The following ANK1 variants were observed in gnomAD, a reference collection of about 807,000 sequenced individuals.
ANK1 encodes ankyrin-1.
ANK1 carries 51 observed loss-of-function variants against 210.4 expected under a neutral mutation model. That is an observed-to-expected ratio of 0.24 (90% confidence interval 0.19 to 0.31). ANK1 has a LOEUF of 0.31. Among genes scored for constraint, ANK1 ranks in the 10% least tolerant of loss-of-function variants. ANK1 has a pLI of 1.00. For synonymous variants in ANK1, 967 were observed against 1,025.9 expected, an observed-to-expected ratio of 0.94 and a Z score of 1.10; for missense variants, 2,051 against 2,504.4, an observed-to-expected ratio of 0.82 and a Z score of 3.86.
At chr8:41,792,583 G>C (rs563766683) in intron 1 of ANK1, among the ~76,000 whole-genome samples, 1 of 152,316 alleles carries the variant, frequency 6.6e-6, no homozygotes, top group South Asian at 2.1e-4. Context: ...ACTCAAAGAT[G>C]AGTCAGATGG....
chr8:41,781,140 G>A (rs190661711), intron 1 of ANK1, among the ~76,000 whole-genome samples: 2 of 152,256 alleles, frequency 1.3e-5, no homozygotes, highest in African/African-American at 4.8e-5. Flanking sequence ...GCTTTCACTG[G>A]GGACTACATT....
rs2002526 is a variant in ANK1, at chr8:41,794,931, C to G, written c.27+2581G>C. ...ATATTGGCCAGGCTGGCCTCGAACT[C>G]CTGACCTCATGATCCACCTGCCTTG... On this transcript the variant is annotated intron_variant, in intron 1 of 42. Transcript: ENST00000289734. Among the ~76,000 whole-genome samples, 1,456 of 152,206 alleles carry G rather than the reference C, an allele frequency of 9.6e-3. 81 individuals are homozygous for G. The highest frequency in any genetic ancestry group is 0.087 in the Admixed American group (1,326 of 15,288).
At chr8:41,866,020 G>A (rs1289624175) in intron 1 of ANK1, among the ~76,000 whole-genome samples, 2 of 152,220 alleles carry the variant, frequency 1.3e-5, no homozygotes, top group Non-Finnish European at 1.5e-5. Context: ...TCTCCACCAT[G>A]ACACTGGCCT....
intron 40 of ANK1, among the ~76,000 whole-genome samples, chr8:41,662,942 G>T (rs1170911992): frequency 6.6e-6 from 1 of 152,002 alleles, no homozygotes; most frequent in Non-Finnish European, 1.5e-5. Context: ...TTGTGATGGG[G>T]TCTCACTCTG....
intron 29 of ANK1, among the ~76,000 whole-genome samples, 183 bp downstream of exon 29, chr8:41,693,715 A>G (rs1183640138): frequency 6.6e-6 from 1 of 151,988 alleles, no homozygotes; most frequent in Non-Finnish European, 1.5e-5. Flanking sequence ...GTGAGTCACC[A>G]CATGGGCATG....
chr8:41,716,407 C>T (rs1827690548), intron 13 of ANK1, among the ~76,000 whole-genome samples: 1 of 152,126 alleles, frequency 6.6e-6, no homozygotes, highest in African/African-American at 2.4e-5. Context: ...GGCCAGGTCT[C>T]ATGGGGCCCA....
rs1381206844 is a variant in ANK1 at position 41,723,126 on chromosome 8, T to C, written c.908A>G (p.Lys303Arg). Reference sequence around the variant, plus strand: ...GCCTGACAGGAAGGAAGTACACACCTTGGTTTTGGCTTGGATTGGTGCCCC... The same window carrying C: ...GCCTGACAGGAAGGAAGTACACACCCTGGTTTTGGCTTGGATTGGTGCCCC... ...DHGAPIQAKT[K>R]NGLSPIHMAA... The change falls in exon 9 of 43, where the codon AAG becomes AGG. Residue 303 changes from lysine to arginine, a missense_variant and splice_region_variant. Physicochemically the swap from Lys to Arg is conservative, Grantham distance 26 (BLOSUM62 2). Transcript: ENST00000289734. 1 of 1,614,054 alleles carries C rather than the reference T, an allele frequency of 6.2e-7. No homozygotes were observed. Among genetic ancestry groups the C allele is most frequent in the Non-Finnish European group, 8.5e-7 (1 of 1,180,018 alleles).
At chr8:41,763,274 T>C (rs1840873222) in intron 1 of ANK1, among the ~76,000 whole-genome samples, 1 of 151,810 alleles carries the variant, frequency 6.6e-6, no homozygotes, top group Non-Finnish European at 1.5e-5. Flanking sequence ...GGAAGCTCCA[T>C]ATGGACTAGA....
Position 41,755,272 on chromosome 8 carries a change from C to T in ANK1, c.129+2764G>A, listed in dbSNP as rs77194238. Among the ~76,000 whole-genome samples the T allele has an allele frequency of 3.1e-3, 473 of 152,332 alleles. 3 individuals are homozygous for T. Among genetic ancestry groups the T allele is most frequent in the African/African-American group, 0.011 (445 of 41,568 alleles). On this transcript the variant is annotated intron_variant, in intron 2 of 42. Coordinates refer to ENST00000289734, the MANE Select transcript of ANK1 (RefSeq NM_000037.4). ...AGGCAGAGTGACAAGGCAGTTACAC[C>T]CAAGGCCTCTCCAACGGGAGACCAA...
At chr8:41,785,589 A>G (rs143816320) in intron 1 of ANK1, among the ~76,000 whole-genome samples, 138 of 152,284 alleles carry the variant, frequency 9.1e-4, no homozygotes, top group Admixed American at 1.9e-3. Context: ...CATGGTTCTT[A>G]GATGAGGCCT....
chr8:41,761,837 G>C (rs1840537280), intron 1 of ANK1, among the ~76,000 whole-genome samples: 1 of 152,034 alleles, frequency 6.6e-6, no homozygotes, highest in Non-Finnish European at 1.5e-5. Flanking sequence ...CAGACAGGGG[G>C]TCCTCCCTCC....
chr8:41,869,411 T>C (rs1362803917), intron 1 of ANK1, among the ~76,000 whole-genome samples: 1 of 152,134 alleles, frequency 6.6e-6, no homozygotes, highest in Non-Finnish European at 1.5e-5. Flanking sequence ...GGCTGCATTT[T>C]AAAAGATGGG....
rs139550171 is a variant in ANK1, at chr8:41,717,652, G to T, written c.1257C>A (p.Ile419=). ...CCCCCCGCTGCAGGAGGTTCTTCACGATGGGAAGGTGCCCCATGAAGGAGG... is the reference window on the plus strand; with the variant it reads ...CCCCCCGCTGCAGGAGGTTCTTCACTATGGGAAGGTGCCCCATGAAGGAGG... The part of the protein sequence containing the change: ...HVASFMGHLP[I]VKNLLQRGAS... Residue 419 remains isoleucine (I), a synonymous_variant, in exon 12 of 43, where the codon ATC becomes ATA. Transcript: ENST00000289734. 1.3e-6 allele frequency: 2 copies of T among 1,551,694 alleles called. No individual in the cohort carries two copies. Among genetic ancestry groups the T allele is most frequent in the South Asian group, 1.2e-5 (1 of 84,066 alleles).
At chr8:41,723,860 A>G (rs1424267672) in intron 7 of ANK1, among the ~76,000 whole-genome samples, 2 of 144,214 alleles carry the variant, frequency 1.4e-5, no homozygotes, top group South Asian at 4.4e-4. Flanking sequence ...CGCGATCTCG[A>G]CTCACTGCAA....
chr8:41,775,974 A>G (rs750006747), intron 1 of ANK1, among the ~76,000 whole-genome samples: 1 of 152,116 alleles, frequency 6.6e-6, no homozygotes, highest in Non-Finnish European at 1.5e-5. Context: ...CCTCAAAACC[A>G]CCCTACGAGT....
chr8:41,823,701 C>A (rs986138521), intron 1 of ANK1, among the ~76,000 whole-genome samples: 2 of 151,624 alleles, frequency 1.3e-5, no homozygotes, highest in African/African-American at 4.8e-5. Context: ...GAGTTCAAGG[C>A]TGCAGTGAGC....
At chr8:41,660,492 A>G (rs1383247498) in intron 42 of ANK1, 2 of 457,442 alleles carry the variant, frequency 4.4e-6, no homozygotes, top group African/African-American at 4.1e-5. Context: ...GCCTCGGGGC[A>G]GCTCAGTACA....
intron 20 of ANK1, among the ~76,000 whole-genome samples, chr8:41,703,422 G>GTGTGTGTATATATATATATA (rs1286560913): frequency 1.9e-5 from 1 of 53,762 alleles, no homozygotes; most frequent in African/African-American, 7.1e-5. Flanking sequence ...GTGTGTGTGT[G>GTGTGTGTATATATATATATA]TATATATATA....
At chr8:41,714,328 G>A in intron 15 of ANK1, 74 bp from the exon 16 acceptor site, 1 of 1,166,606 alleles carries the variant, frequency 8.6e-7, no homozygotes, top group Non-Finnish European at 1.2e-6. Flanking sequence ...TTTAGGCATG[G>A]GAGCACCTAT....
Sources: allele counts gnomAD v4.1 joint callset (sites outside exome capture counted in the v4.1 genomes callset), GRCh38; gene constraint gnomAD v4.1.1; transcripts MANE v1.5; gene names NCBI Gene and HGNC (gene_info 2026-07-23, HGNC 2026-07-21).